RFC3: variants seen among roughly 807,000 people sequenced by gnomAD.
RFC3 encodes the protein A1 38 kDa subunit.
A neutral mutation model predicts 45.1 loss-of-function variants in RFC3; 41 were observed. The ratio of observed to expected loss-of-function variants is 0.91; its 90% confidence interval spans 0.71 to 1.18. The LOEUF (loss-of-function observed/expected upper bound fraction) is 1.18, where lower values mean the gene tolerates loss of function less well. RFC3 is among the 50% of genes most tolerant of loss of function. The pLI, the probability that RFC3 is intolerant of heterozygous loss-of-function variation, is 0.00. For synonymous variants in RFC3, 149 were observed against 144.0 expected (o/e 1.03, Z -0.25); for missense variants, 423 against 428.1 (o/e 0.99, Z 0.10).
chr13:33,966,798 C>T (rs1056406570), downstream of RFC3, among the ~76,000 whole-genome samples: 1 of 152,144 alleles, frequency 6.6e-6, no homozygotes, highest in Non-Finnish European at 1.5e-5. Context: ...GATACAAGAT[C>T]TCAATTTCTT....
chr13:33,864,838 G>A (rs545820491), intron 8 of RFC3, among the ~76,000 whole-genome samples: 2 of 152,304 alleles, frequency 1.3e-5, no homozygotes, highest in Non-Finnish European at 2.9e-5. Context: ...ACTCAAATAT[G>A]ATTCCAAGAA....
At chr13:33,878,425 A>T (rs1258828582) in intron 8 of RFC3, among the ~76,000 whole-genome samples, 1 of 152,038 alleles carries the variant, frequency 6.6e-6, no homozygotes, top group African/African-American at 2.4e-5. Context: ...AGGAGGAGGG[A>T]TGGTGAGGAT....
intron 8 of RFC3, among the ~76,000 whole-genome samples, chr13:33,955,711 A>G (rs867973480): frequency 3.3e-5 from 5 of 152,358 alleles, no homozygotes; most frequent in Middle Eastern, 6.8e-3. Context: ...CTTAAAGTAT[A>G]TTCTATGGCT....
intron 8 of RFC3, among the ~76,000 whole-genome samples, chr13:33,912,557 T>C (rs2082709675): frequency 6.6e-6 from 1 of 152,010 alleles, no homozygotes. Flanking sequence ...GGCAAGAGGC[T>C]GTAACTGAGG....
In RFC3 at chr13:33,887,863, C is replaced by T. The variant is rs1477500680; in HGVS notation, c.879+52646C>T. On this transcript the variant is annotated intron_variant, in intron 8 of 8. Transcript: ENST00000434425. Reference sequence around the variant, plus strand: ...TCTACATATGGCTAGCCAGTTTTCCCAGCACCATTTATTAAATAGGGAATC... The same window carrying T: ...TCTACATATGGCTAGCCAGTTTTCCTAGCACCATTTATTAAATAGGGAATC... Among the ~76,000 whole-genome samples the T allele has an allele frequency of 3.4e-4, 51 of 151,848 alleles. 3 individuals are homozygous for T. In the South Asian group the frequency reaches 0.01, roughly 31 times the overall value.
At position 33,830,767 on chromosome 13, in the gene RFC3, C is replaced by T. The variant is rs1267413333; in HGVS notation, c.622C>T (p.Pro208Ser). The change falls in exon 6 of 9, where the codon CCT becomes TCT. Residue 208 changes from proline (P) to serine (S), a missense_variant. By Grantham distance (74) the Pro-to-Ser change is moderately conservative. Transcript: ENST00000380071. ...GTGTAAGAAGGAAGGTCTGAATCTT[C>T]CTTCACAACTGGCTCATAGACTTGC... ...TVCKKEGLNL[P>S]SQLAHRLAEK... The T allele has an allele frequency of 1.2e-6, 2 of 1,613,188 alleles. No individual in the cohort carries two copies. The highest frequency in any genetic ancestry group is 1.7e-5 in the Admixed American group (1 of 59,956).
chr13:33,907,372 C>A (rs67895351), intron 8 of RFC3, among the ~76,000 whole-genome samples: 10,873 of 151,992 alleles, frequency 0.072, 641 homozygotes, highest in African/African-American at 0.16. Flanking sequence ...ATAATAAATC[C>A]TAGAACATAT....
Position 33,836,176 on chromosome 13 carries a change from T to C in RFC3, c.952T>C (p.Tyr318His), listed in dbSNP as rs375369387. 1 of 1,613,360 alleles carries C rather than the reference T, an allele frequency of 6.2e-7. No individual in the cohort carries two copies. The stretch of plus-strand genomic sequence containing the variant: ...GGAGGTGGCACAAATGGCAGCTTAC[T>C]ATGAGCATCGTCTACAGCTGGGTAG... ...KGEVAQMAAY[Y>H]EHRLQLGSKA... Residue 318 changes from tyrosine (Y) to histidine (H), a missense_variant, in exon 9 of 9, where the codon TAT becomes CAT. Tyr to His is a moderately conservative substitution (Grantham distance 83). Coordinates refer to ENST00000380071, the MANE Select transcript of RFC3 (RefSeq NM_002915.4).
intron 8 of RFC3, among the ~76,000 whole-genome samples, chr13:33,883,277 T>G (rs931637549): frequency 6.6e-6 from 1 of 152,164 alleles, no homozygotes; most frequent in East Asian, 1.9e-4. Context: ...CAGGAGAGAA[T>G]ATGGACATGG....
chr13:33,914,041 G>A (rs957515933), intron 8 of RFC3, among the ~76,000 whole-genome samples: 3 of 152,058 alleles, frequency 2.0e-5, no homozygotes, highest in Admixed American at 6.6e-5. Flanking sequence ...ACAGCTAATT[G>A]CCTTACAAAT....
chr13:33,905,610 C>T (rs926042990), intron 8 of RFC3, among the ~76,000 whole-genome samples: 6 of 151,970 alleles, frequency 3.9e-5, no homozygotes, highest in African/African-American at 1.4e-4. Flanking sequence ...TTTCCCACAA[C>T]CTCTTCCCCT....
chr13:33,944,084 C>T (rs1009540192), intron 8 of RFC3, among the ~76,000 whole-genome samples: 1 of 152,268 alleles, frequency 6.6e-6, no homozygotes, highest in South Asian at 2.1e-4. Flanking sequence ...GTTATCCATT[C>T]TCATACACTG....
At chr13:33,962,423 C>T (rs2083063001) in intron 8 of RFC3, among the ~76,000 whole-genome samples, 1 of 152,146 alleles carries the variant, frequency 6.6e-6, no homozygotes, top group Non-Finnish European at 1.5e-5. Flanking sequence ...CCCCACACCC[C>T]AAGTGAATGG....
intron 8 of RFC3, among the ~76,000 whole-genome samples, chr13:33,910,128 T>C (rs7983108): frequency 6.6e-6 from 1 of 152,116 alleles, no homozygotes; most frequent in African/African-American, 2.4e-5. Context: ...TTAATTCACT[T>C]GTTTATTCAT....
At position 33,829,729 on chromosome 13, in the gene RFC3, A is replaced by G. The variant is rs548117002; in HGVS notation, c.392-107A>G. ...TTGCCAATGGGAAGAGTAGTATATC[A>G]GGCTTATTATTTAGGATTTCATCCT... is the stretch of plus-strand genomic sequence containing the variant. On this transcript the variant is annotated intron_variant, in intron 4 of 8. Transcript: ENST00000380071. 20 of 841,990 alleles carry G rather than the reference A, an allele frequency of 2.4e-5. No homozygotes were observed. The African/African-American group carries it at 2.5e-4, about 11-fold the overall frequency. The allele number at this position is 841,990 out of a possible 1,614,324, so 52.2% of individuals were successfully genotyped here.
At chr13:33,855,206 C>T (rs866273596) in intron 8 of RFC3, among the ~76,000 whole-genome samples, 10 of 152,290 alleles carry the variant, frequency 6.6e-5, no homozygotes, top group Middle Eastern at 6.8e-3. Context: ...AGTTTGAGAA[C>T]TGTTCTTAGT....
At chr13:33,961,802 T>A (rs181884488) in intron 8 of RFC3, among the ~76,000 whole-genome samples, 1 of 152,206 alleles carries the variant, frequency 6.6e-6, no homozygotes, top group Non-Finnish European at 1.5e-5. Context: ...AGATTGGAAA[T>A]AGTGCTTTGG....
chr13:33,928,158 G>C (rs1441921087), intron 8 of RFC3, among the ~76,000 whole-genome samples: 3 of 152,082 alleles, frequency 2.0e-5, no homozygotes, highest in Non-Finnish European at 4.4e-5. Context: ...TGTCAGGATC[G>C]TGGGCTTACC....
intron 8 of RFC3, among the ~76,000 whole-genome samples, chr13:33,901,990 C>G (rs2082644557): frequency 6.6e-6 from 1 of 151,996 alleles, no homozygotes; most frequent in African/African-American, 2.4e-5. Flanking sequence ...GACCCTGACC[C>G]CTGCCCTGCT....
Sources: gnomAD v4.1 joint callset for allele counts (sites outside exome capture counted in the v4.1 genomes callset) on GRCh38, gnomAD v4.1.1 for gene constraint, MANE v1.5 for transcripts, NCBI Gene and HGNC (gene_info 2026-07-23, HGNC 2026-07-21) for gene names.